FBXO17: variants seen among roughly 807,000 people sequenced by gnomAD.
FBXO17 encodes F-box protein 17, also known as F-box only protein 17.
A neutral mutation model predicts 34.1 loss-of-function variants in FBXO17; 43 were observed. That is an observed-to-expected ratio of 1.26 (90% CI 0.99 to 1.62). FBXO17 has a LOEUF of 1.62. Ranked by LOEUF, FBXO17 falls within the 40% of genes most tolerant of loss-of-function variation. The pLI is 0.00. For missense variants in FBXO17, 424 were observed against 386.7 expected (o/e 1.10, Z -0.81); for synonymous variants, 169 against 166.0 (o/e 1.02, Z -0.14).
intron 1 of FBXO17, among the ~76,000 whole-genome samples, 200 bp from the exon 2 acceptor site, chr19:38,950,536 C>A (rs975664524): frequency 6.6e-6 from 1 of 152,238 alleles, no homozygotes; most frequent in South Asian, 2.1e-4. Context: ...CTGACTCTGA[C>A]CCCCGTCAGG....
intron 1 of FBXO17, 48 bp from the exon 2 acceptor site, chr19:38,950,384 C>T: frequency 7.2e-7 from 1 of 1,389,694 alleles, no homozygotes; most frequent in Non-Finnish European, 9.3e-7. Flanking sequence ...GCCAGGCCAC[C>T]CCCTCCCTAC....
chr19:38,944,916 G>A, intron 5 of FBXO17, 53 bp downstream of exon 5: 1 of 1,605,806 alleles, frequency 6.2e-7, no homozygotes, highest in African/African-American at 1.3e-5. Flanking sequence ...CGAGAGGCTG[G>A]GCGTGTGTGC....
intron 1 of FBXO17, among the ~76,000 whole-genome samples, chr19:38,965,414 G>A (rs537575574): frequency 2.1e-4 from 32 of 149,994 alleles, no homozygotes; most frequent in African/African-American, 6.9e-4. Context: ...TGCAACCTCC[G>A]CCTCCTGGGT....
chr19:38,962,980 A>T (rs185816351), intron 1 of FBXO17, among the ~76,000 whole-genome samples: 5 of 152,180 alleles, frequency 3.3e-5, no homozygotes, highest in African/African-American at 9.6e-5. Flanking sequence ...AAGTGCTGGG[A>T]TTACAGGTGT....
chr19:38,949,873 C>T, intron 2 of FBXO17, 98 bp downstream of exon 2: 4 of 1,354,452 alleles, frequency 3.0e-6, no homozygotes, highest in Non-Finnish European at 2.9e-6. Context: ...CCAGCGGTCT[C>T]GCCCATTGGC....
In FBXO17 at chr19:38,955,278, G is replaced by A. The variant is rs375277763; in HGVS notation, c.-17-4942C>T. ...GGGTCTTGCTTCTTCACTCGGGTGG[G>A]AGTGCAGTGGTGTGATCATGGCTCA... On this transcript the variant is annotated intron_variant, in intron 1 of 5. Coordinates refer to ENST00000292852, the MANE Select transcript of FBXO17 (RefSeq NM_024907.7). 4.5e-4 allele frequency among the ~76,000 whole-genome samples: 69 copies of A among 152,002 alleles called. No homozygotes were observed. In the South Asian group the frequency reaches 0.012, roughly 27 times the overall value.
intron 1 of FBXO17, among the ~76,000 whole-genome samples, chr19:38,957,485 A>G (rs1198862383): frequency 1.3e-5 from 2 of 152,092 alleles, no homozygotes; most frequent in Non-Finnish European, 2.9e-5. Context: ...AGCTGGGATT[A>G]CAGGCACCTG....
intron 5 of FBXO17, 24 bp downstream of exon 5, chr19:38,944,945 A>T: frequency 1.2e-6 from 2 of 1,612,476 alleles, no homozygotes. Flanking sequence ...GGTCGGGGGG[A>T]GCTGGAAGCT....
chr19:38,948,900 C>G (rs1423614341), intron 2 of FBXO17, among the ~76,000 whole-genome samples: 1 of 152,144 alleles, frequency 6.6e-6, no homozygotes, highest in Non-Finnish European at 1.5e-5. Flanking sequence ...CTTCAGCCAC[C>G]CTTACTTGCT....
chr19:38,973,732 C>T (rs1390479642), intron 1 of FBXO17, among the ~76,000 whole-genome samples: 1 of 151,960 alleles, frequency 6.6e-6, no homozygotes, highest in Admixed American at 6.6e-5. Flanking sequence ...AATCCCAGGA[C>T]TTTTGATGGC....
chr19:38,944,058 T>C (rs1050677416), intron 5 of FBXO17, among the ~76,000 whole-genome samples: 40 of 152,196 alleles, frequency 2.6e-4, no homozygotes, highest in Admixed American at 5.9e-4. Context: ...CCAATCTTCT[T>C]AGTGTACATT....
At chr19:38,959,141 C>T (rs147475318) in intron 1 of FBXO17, among the ~76,000 whole-genome samples, 2 of 151,572 alleles carry the variant, frequency 1.3e-5, no homozygotes, top group African/African-American at 4.8e-5. Flanking sequence ...TCTTCCTGGG[C>T]TCAAGTGATC....
rs868105251 is a variant in FBXO17 at position 38,950,088 on chromosome 19, C to T, written c.232G>A (p.Ala78Thr). The T allele has an allele frequency of 1.3e-6, 2 of 1,566,490 alleles. No homozygotes were observed. Among genetic ancestry groups the T allele is most frequent in the East Asian group, 4.8e-5 (2 of 41,886 alleles). Residue 78 changes from alanine to threonine, a missense_variant, in exon 2 of 6, where the codon GCT (alanine) becomes ACT (threonine). By Grantham distance (58) the Ala-to-Thr change is moderately conservative. Transcript: ENST00000292852. ...SAEGRALYAV[A>T]QRCLPSNEDK... ...TCGTTGCTGGGCAGGCAGCGTTGAG[C>T]CACTGCGTAGAGTGCGCGGCCCTCG...
At position 38,949,961 on chromosome 19, in the gene FBXO17, C is replaced by T. The variant is rs1214616389; in HGVS notation, c.349+10G>A. 2.9e-5 allele frequency: 44 copies of T among 1,526,648 alleles called. No individual in the cohort carries two copies. The highest frequency in any genetic ancestry group is 3.6e-5 in the Non-Finnish European group (41 of 1,139,058). 94.6% of individuals were successfully genotyped at this position (1,526,648 alleles called of 1,614,324 possible). A position where few individuals can be genotyped will look rare whatever the true frequency, so the allele number is the denominator to read the frequency against. ...CCCTCAGCCTCCTGGGCCCCGCCCC[C>T]GTCACCCACGCTCTCCGCAGGAGTT... On this transcript the variant is annotated intron_variant, in intron 2 of 5. Transcript: ENST00000292852.
In FBXO17 at chr19:38,942,597, TA is replaced by T; in HGVS notation, c.*10del. 1 of 1,545,188 alleles carries T rather than the reference TA, an allele frequency of 6.5e-7. No homozygotes were observed. Among genetic ancestry groups the T allele is most frequent in the Non-Finnish European group, 8.7e-7 (1 of 1,151,824 alleles). On this transcript the variant is annotated 3_prime_UTR_variant, in exon 6 of 6. Coordinates refer to ENST00000292852, the MANE Select transcript of FBXO17 (RefSeq NM_024907.7). Reference sequence around the variant, plus strand: ...GGTCTTGACTGACAACGTCAGGCAGTAGTCCAGTCGCTAGGACAGACGGATC... The same window carrying T: ...GGTCTTGACTGACAACGTCAGGCAGTGTCCAGTCGCTAGGACAGACGGATC...
intron 1 of FBXO17, among the ~76,000 whole-genome samples, chr19:38,967,988 C>T (rs1975342478): frequency 1.3e-5 from 2 of 152,038 alleles, no homozygotes; most frequent in Admixed American, 6.6e-5. Context: ...CCTCAGGCAT[C>T]GCTGGTGGGG....
In FBXO17 at chr19:38,942,578, G is replaced by C. The variant is rs1974905298; in HGVS notation, c.*30C>G. 6.6e-7 allele frequency: 1 copy of C among 1,518,914 alleles called. No homozygotes were observed. Among genetic ancestry groups the C allele is most frequent in the East Asian group, 2.5e-5 (1 of 39,310 alleles). 94.1% of individuals were successfully genotyped at this position (1,518,914 alleles called of 1,614,324 possible). A position where few individuals can be genotyped will look rare whatever the true frequency, so the allele number is the denominator to read the frequency against. On this transcript the variant is annotated 3_prime_UTR_variant, in exon 6 of 6. Transcript: ENST00000292852. ...TGCACCTGGCTGCAAGGCTGGTCTT[G>C]ACTGACAACGTCAGGCAGTAGTCCA...
intron 1 of FBXO17, among the ~76,000 whole-genome samples, chr19:38,972,678 A>C (rs913670858): frequency 4.6e-5 from 7 of 152,074 alleles, no homozygotes; most frequent in Non-Finnish European, 1.0e-4. Context: ...CCCAATTTTT[A>C]CTATGAAATT....
At chr19:38,951,026 G>A (rs1269714885) in intron 1 of FBXO17, among the ~76,000 whole-genome samples, 3 of 151,988 alleles carry the variant, frequency 2.0e-5, no homozygotes, top group African/African-American at 4.8e-5. Context: ...TCCTGACTTC[G>A]TGATCCACCC....
Sources: gnomAD v4.1 joint callset for allele counts (sites outside exome capture counted in the v4.1 genomes callset) on GRCh38, gnomAD v4.1.1 for gene constraint, MANE v1.5 for transcripts, NCBI Gene and HGNC (gene_info 2026-07-23, HGNC 2026-07-21) for gene names.